ADORA2A: variants seen among roughly 807,000 people sequenced by gnomAD.
ADORA2A encodes the protein adenosine receptor A2a.
Under a neutral mutation model 18.4 loss-of-function variants are expected in ADORA2A, and 11 were observed. The observed-to-expected ratio is 0.60, with a 90% CI of 0.38 to 0.99. The LOEUF is 0.99. Among genes scored for constraint, ADORA2A ranks in the 50% least tolerant of loss-of-function variants. The pLI is 0.01. For missense variants in ADORA2A, 449 were observed against 556.1 expected (o/e 0.81, Z 1.94); for synonymous variants, 218 against 237.3 (o/e 0.92, Z 0.75).
At chr22:24,426,333 G>T (rs1039473924), upstream of ADORA2A, among the ~76,000 whole-genome samples, 1 of 152,228 alleles carries the variant, frequency 6.6e-6, no homozygotes, top group African/African-American at 2.4e-5. Context: ...AGCAGAGGAA[G>T]GACAGACAGA....
intron 2 of ADORA2A, chr22:24,439,604 G>A (rs1244531154): frequency 6.6e-6 from 1 of 152,116 alleles, no homozygotes; most frequent in African/African-American, 2.4e-5. Context: ...GATCATCAAG[G>A]TTGCCTTCCT....
rs768962604 is a variant in ADORA2A at position 24,441,477 on chromosome 22, A to T, written c.1227A>T (p.Ala409=). The change falls in exon 3 of 3, where the codon GCA becomes GCT. Residue 409 remains alanine (A), a synonymous_variant. Transcript: ENST00000337539. ...GLDDPLAQDG[A]GVS is the part of the protein sequence containing the mutation. ...ATGACCCCCTGGCCCAGGATGGAGCAGGAGTGTCCTGATGATTCATGGAGT... is the reference window on the plus strand; with the variant it reads ...ATGACCCCCTGGCCCAGGATGGAGCTGGAGTGTCCTGATGATTCATGGAGT... The T allele has an allele frequency of 6.6e-7, 1 of 1,512,810 alleles. No homozygotes were observed. The highest frequency in any genetic ancestry group is 8.8e-7 in the Non-Finnish European group (1 of 1,131,710). The allele number at this position is 1,512,810 out of a possible 1,614,324, so 93.7% of individuals were successfully genotyped here.
chr22:24,433,373 G>A lies in ADORA2A; in HGVS notation c.-32G>A, dbSNP rs200997417. On this transcript the variant is annotated 5_prime_UTR_variant, in exon 2 of 3. Transcript: ENST00000337539. ...TGGACCGTGAGCTGGCCCAGCCCGC[G>A]TCCGTGCTGAGCCTGCCTGTCGTCT... 60 of 1,567,350 alleles carry A rather than the reference G, an allele frequency of 3.8e-5. No individual in the cohort carries two copies. The highest frequency in any genetic ancestry group is 4.2e-5 in the Non-Finnish European group (48 of 1,154,112).
chr22:24,434,890 A>G (rs918488920), intron 2 of ADORA2A, among the ~76,000 whole-genome samples: 5 of 152,208 alleles, frequency 3.3e-5, no homozygotes, highest in Non-Finnish European at 5.9e-5. Context: ...CGGGCCACAC[A>G]ACGAGTTGGT....
Position 24,433,428 on chromosome 22 carries a change from G to C in ADORA2A, c.24G>C (p.Val8=), listed in dbSNP as rs745423721. The part of the protein sequence containing the change: MPIMGSS[V]YITVELAIAV... ...CCATGCCCATCATGGGCTCCTCGGTGTACATCACGGTGGAGCTGGCCATTG... is the reference window on the plus strand; with the variant it reads ...CCATGCCCATCATGGGCTCCTCGGTCTACATCACGGTGGAGCTGGCCATTG... Residue 8 remains valine (V), a synonymous_variant, in exon 2 of 3, where the codon GTG becomes GTC. Transcript: ENST00000337539. 2.5e-6 allele frequency: 4 copies of C among 1,613,304 alleles called. No individual in the cohort carries two copies. Among genetic ancestry groups the C allele is most frequent in the Non-Finnish European group, 3.4e-6 (4 of 1,179,748 alleles).
Position 24,441,276 on chromosome 22 carries a change from G to A in ADORA2A, c.1026G>A (p.Pro342=), listed in dbSNP as rs200188870. Residue 342 remains proline (P), a synonymous_variant, in exon 3 of 3, where the codon CCG becomes CCA. Coordinates refer to ENST00000337539, the MANE Select transcript of ADORA2A (RefSeq NM_000675.6). ...TCAGCCTCCGTCTCAACGGCCACCC[G>A]CCAGGAGTGTGGGCCAACGGCAGTG... ...EQVSLRLNGH[P]PGVWANGSAP... 1.3e-5 allele frequency: 21 copies of A among 1,612,448 alleles called. No individual in the cohort carries two copies. The highest frequency in any genetic ancestry group is 1.8e-5 in the Non-Finnish European group (21 of 1,179,348).
intron 2 of ADORA2A, among the ~76,000 whole-genome samples, chr22:24,435,482 C>T (rs1361854638): frequency 6.6e-6 from 1 of 152,208 alleles, no homozygotes; most frequent in Non-Finnish European, 1.5e-5. Context: ...AGGAGCTCGA[C>T]TTTTTTTCTC....
At chr22:24,439,488 A>C (rs922394717) in intron 2 of ADORA2A, 11 of 152,070 alleles carry the variant, frequency 7.2e-5, no homozygotes, top group African/African-American at 2.7e-4. Context: ...CTTCTTTGAG[A>C]TCTCTATCCT....
intron 2 of ADORA2A, chr22:24,438,222 C>T (rs1455846368): frequency 6.6e-6 from 1 of 152,256 alleles, no homozygotes; most frequent in Admixed American, 6.5e-5. Context: ...AGAGTGCTGA[C>T]AGGTCCACGA....
chr22:24,440,366 G>A (rs1049549193), intron 2 of ADORA2A, among the ~76,000 whole-genome samples: 7 of 152,228 alleles, frequency 4.6e-5, no homozygotes, highest in Non-Finnish European at 8.8e-5. Flanking sequence ...TTTCTTGGAT[G>A]CCTGCTCTCC....
chr22:24,440,391 A>G (rs2043308619), intron 2 of ADORA2A, among the ~76,000 whole-genome samples, 192 bp from the exon 3 acceptor site: 1 of 152,220 alleles, frequency 6.6e-6, no homozygotes, highest in Non-Finnish European at 1.5e-5. Context: ...ACCTCCCAGA[A>G]GCCTGTGAAA....
chr22:24,428,867 A>G (rs565413756), intron 1 of ADORA2A, among the ~76,000 whole-genome samples: 20 of 152,222 alleles, frequency 1.3e-4, no homozygotes, highest in Non-Finnish European at 2.8e-4. Context: ...GGCCAGGCAC[A>G]GCAACGGGGG....
chr22:24,441,796 T>G lies in ADORA2A; in HGVS notation c.*307T>G. On this transcript the variant is annotated 3_prime_UTR_variant, in exon 3 of 3. Transcript: ENST00000337539. ...GCAGAAGCATCTGGAAGCACCACCT[T>G]GTCTCCACAGAGCAGCTTGGGCACA... 1 of 261,726 alleles carries G rather than the reference T, an allele frequency of 3.8e-6. No homozygotes were observed. The highest frequency in any genetic ancestry group is 1.2e-4 in the South Asian group (1 of 8,562). 16.2% of individuals were successfully genotyped at this position (261,726 alleles called of 1,614,324 possible).
chr22:24,425,337 A>ACCCACCC (rs2042905668), upstream of ADORA2A, among the ~76,000 whole-genome samples: 1 of 82,318 alleles, frequency 1.2e-5, no homozygotes, highest in Non-Finnish European at 2.3e-5. Context: ...TGTGGGCAGC[A>ACCCACCC]CCCCCCCCCC....
intron 1 of ADORA2A, chr22:24,429,933 CATT>C (rs2042989010): frequency 6.6e-6 from 1 of 152,280 alleles, no homozygotes; most frequent in African/African-American, 2.4e-5. Flanking sequence ...GTCCACGACA[CATT>C]AGTAGCTTGA....
rs761858787 is a variant in ADORA2A at position 24,441,034 on chromosome 22, T to G, written c.784T>G (p.Cys262Gly). ...INCFTFFCPD[C>G]SHAPLWLMYL... ...CTGCTTCACTTTCTTCTGCCCCGAC[T>G]GCAGCCACGCCCCTCTCTGGCTCAT... The change falls in exon 3 of 3, where the codon TGC becomes GGC. Residue 262 changes from cysteine to glycine, a missense_variant. Physicochemically the swap from Cys to Gly is radical, Grantham distance 159. Coordinates refer to ENST00000337539, the MANE Select transcript of ADORA2A (RefSeq NM_000675.6). The G allele has an allele frequency of 2.5e-6, 4 of 1,614,048 alleles. No homozygotes were observed. Among genetic ancestry groups the G allele is most frequent in the Non-Finnish European group, 3.4e-6 (4 of 1,180,040 alleles).
chr22:24,432,603 A>C (rs1380983602), intron 1 of ADORA2A: 1 of 152,278 alleles, frequency 6.6e-6, no homozygotes, highest in Non-Finnish European at 1.5e-5. Context: ...GACTTTAACA[A>C]GTTTCTGGCT....
intron 2 of ADORA2A, among the ~76,000 whole-genome samples, chr22:24,434,755 G>A (rs1201181917): frequency 6.6e-6 from 1 of 152,230 alleles, no homozygotes; most frequent in African/African-American, 2.4e-5. Flanking sequence ...GCCCCAGCAG[G>A]AAGGAGGACC....
Position 24,441,452 on chromosome 22 carries a change from A to G in ADORA2A, c.1202A>G (p.Asp401Gly). Residue 401 changes from aspartate to glycine, a missense_variant, in exon 3 of 3, where the codon GAT (aspartate) becomes GGT (glycine). Physicochemically the swap from Asp to Gly is moderately conservative, Grantham distance 94 (BLOSUM62 -1). Transcript: ENST00000337539. ...KGVCPEPPGL[D>G]DPLAQDGAGV... The stretch of plus-strand genomic sequence containing the variant: ...GTGTGCCCAGAGCCCCCTGGCCTAG[A>G]TGACCCCCTGGCCCAGGATGGAGCA... 6.6e-7 allele frequency: 1 copy of G among 1,519,660 alleles called. No individual in the cohort carries two copies. The highest frequency in any genetic ancestry group is 8.8e-7 in the Non-Finnish European group (1 of 1,135,994). The allele number at this position is 1,519,660 out of a possible 1,614,324, so 94.1% of individuals were successfully genotyped here.
Sources: allele counts gnomAD v4.1 joint callset (sites outside exome capture counted in the v4.1 genomes callset), GRCh38; gene constraint gnomAD v4.1.1; transcripts MANE v1.5; gene names NCBI Gene and HGNC (gene_info 2026-07-23, HGNC 2026-07-21).